Variants in DOCK9 observed in about 807,000 individuals in gnomAD.
DOCK9 encodes dedicator of cytokinesis protein 9.
Under a neutral mutation model 263.3 loss-of-function variants are expected in DOCK9, and 89 were observed. The ratio of observed to expected loss-of-function variants is 0.34; its 90% confidence interval spans 0.28 to 0.40. The LOEUF is 0.40. DOCK9 is among the 10% of genes least tolerant of loss of function. The probability of loss-of-function intolerance (pLI) is 1.00; values close to 1 mark genes in which losing one functional copy is unlikely to be tolerated. For synonymous variants in DOCK9, 976 were observed against 973.1 expected, an observed-to-expected ratio of 1.00 and a Z score of -0.06; for missense variants, 2,140 against 2,603.4, an observed-to-expected ratio of 0.82 and a Z score of 3.87.
At chr13:98,807,469 G>C (rs973443712) in intron 48 of DOCK9, among the ~76,000 whole-genome samples, 192 bp downstream of exon 48, 3 of 152,136 alleles carry the variant, frequency 2.0e-5, no homozygotes, top group African/African-American at 7.2e-5. Context: ...AAAATTAGGC[G>C]ATAAAGATTT....
intron 30 of DOCK9, among the ~76,000 whole-genome samples, chr13:98,866,839 C>T (rs2094040913): frequency 6.6e-6 from 1 of 152,038 alleles, no homozygotes; most frequent in Non-Finnish European, 1.5e-5. Context: ...CCTAGAGTAC[C>T]CAGTGACTTC....
intron 33 of DOCK9, chr13:98,858,899 A>C (rs2093774791): frequency 6.6e-6 from 1 of 152,184 alleles, no homozygotes; most frequent in African/African-American, 2.4e-5. Flanking sequence ...AGAAGTATTA[A>C]AACTTTGTGG....
chr13:99,009,869 A>G (rs1253639486), intron 1 of DOCK9, among the ~76,000 whole-genome samples: 1 of 152,078 alleles, frequency 6.6e-6, no homozygotes, highest in Non-Finnish European at 1.5e-5. Context: ...GTCCTTCGGG[A>G]CTGTTTGGGG....
At chr13:99,064,305 T>C (rs9554548) in intron 1 of DOCK9, among the ~76,000 whole-genome samples, 42,444 of 152,092 alleles carry the variant, frequency 0.28, 6,300 homozygotes, top group East Asian at 0.43. Flanking sequence ...ATTATAACTG[T>C]TGTCACTATA....
chr13:99,015,641 T>C (rs763069460), intron 1 of DOCK9: 4 of 1,561,154 alleles, frequency 2.6e-6, no homozygotes, highest in African/African-American at 2.7e-5. Context: ...TTTTTAGCAA[T>C]CTCTACTCCA....
At position 98,920,244 on chromosome 13, in the gene DOCK9, TTTAA is replaced by T. The variant is rs545198375; in HGVS notation, c.717+706_717+709del. On this transcript the variant is annotated intron_variant, in intron 7 of 52. Transcript: ENST00000682017. ...AAGAAAAATACATTCATGTGTTATCTTTAATTAACAATAATTTTAAAGGATAAGT... is the reference window on the plus strand; with the variant it reads ...AAGAAAAATACATTCATGTGTTATCTTTAACAATAATTTTAAAGGATAAGT... Among the ~76,000 whole-genome samples the T allele has an allele frequency of 2.6e-3, 399 of 152,354 alleles. 2 individuals are homozygous for T. Among genetic ancestry groups the T allele is most frequent in the African/African-American group, 9.2e-3 (384 of 41,578 alleles).
chr13:99,030,401 AG>A (rs1301543313), intron 1 of DOCK9, among the ~76,000 whole-genome samples: 1 of 152,246 alleles, frequency 6.6e-6, no homozygotes, highest in African/African-American at 2.4e-5. Flanking sequence ...AGCAAGCCTA[AG>A]AACCAAACCA....
intron 1 of DOCK9, among the ~76,000 whole-genome samples, chr13:99,080,593 C>G (rs1356414458): frequency 1.3e-5 from 2 of 152,186 alleles, no homozygotes; most frequent in Non-Finnish European, 2.9e-5. Flanking sequence ...CTTCTTGGTC[C>G]TACCTGAGCA....
chr13:99,051,717 C>T (rs969016599), intron 1 of DOCK9, among the ~76,000 whole-genome samples: 2 of 152,026 alleles, frequency 1.3e-5, no homozygotes, highest in Non-Finnish European at 2.9e-5. Context: ...ATCCTTTTCA[C>T]CTGCAATTAC....
chr13:99,031,545 T>C (rs1401611605), intron 1 of DOCK9, among the ~76,000 whole-genome samples: 5 of 152,254 alleles, frequency 3.3e-5, no homozygotes, highest in Admixed American at 1.3e-4. Flanking sequence ...TGTAGTTACA[T>C]TGGTTCCTTA....
At chr13:98,996,438 T>C (rs1044399920) in intron 1 of DOCK9, among the ~76,000 whole-genome samples, 10 of 152,234 alleles carry the variant, frequency 6.6e-5, no homozygotes, top group African/African-American at 2.4e-4. Context: ...ACTAATATTA[T>C]ATAACTAACT....
Position 98,977,819 on chromosome 13 carries a change from C to T in DOCK9, c.91G>A (p.Gly31Ser). 1 of 1,611,002 alleles carries T rather than the reference C, an allele frequency of 6.2e-7. No homozygotes were observed. Among genetic ancestry groups the T allele is most frequent in the Non-Finnish European group, 8.5e-7 (1 of 1,178,576 alleles). Residue 31 changes from glycine to serine, a missense_variant, in exon 1 of 53, where the codon GGC (glycine) becomes AGC (serine). Gly to Ser is a moderately conservative substitution (Grantham distance 56, BLOSUM62 0). This residue lies in a region of DOCK9 where 1,521 missense variants were observed against 1,741.7 expected (regional missense o/e 0.87). Coordinates refer to ENST00000682017, the MANE Select transcript of DOCK9 (RefSeq NM_001366683.2). ...SPLQYKDAAQ[G>S]EVEAESPGPV... ...CCCGGGCTCTCTGCTTCCACTTCGC[C>T]CTGAGCTGCATCCTTGTATTGCAGG...
At position 98,846,006 on chromosome 13, in the gene DOCK9, A is replaced by G; in HGVS notation, c.4116T>C (p.Pro1372=). ...TCATTCCTGTTCTGTTACGGGAAAC[A>G]GGCAATGTCTGAGACTTTCGATCAT... ...IVHDRKSQTL[P]VSRNRTGMMH... The change falls in exon 38 of 53, where the codon CCT becomes CCC. Residue 1372 remains proline (P), a synonymous_variant. Transcript: ENST00000682017. 1 of 1,609,086 alleles carries G rather than the reference A, an allele frequency of 6.2e-7. No individual in the cohort carries two copies.
rs143047119 is a variant in DOCK9 at position 98,939,603 on chromosome 13, A to G, written c.244-9346T>C. Among the ~76,000 whole-genome samples the G allele has an allele frequency of 3.6e-3, 544 of 152,344 alleles. 2 individuals carry two copies. The highest frequency in any genetic ancestry group is 0.012 in the African/African-American group (516 of 41,586). ...TGGGCCTGGGGCGGGGGCAAGGCAC[A>G]ATATGCAGAGCTCAGGAGACGGACG... On this transcript the variant is annotated intron_variant, in intron 2 of 52. Transcript: ENST00000682017.
chr13:99,013,060 A>G (rs907999467), intron 1 of DOCK9, among the ~76,000 whole-genome samples: 4 of 152,274 alleles, frequency 2.6e-5, no homozygotes, highest in East Asian at 3.9e-4. Flanking sequence ...TGTTAGGAGA[A>G]GAGCAGTGAA....
chr13:99,088,547 C>G (rs866752655), upstream of DOCK9: 2 of 152,170 alleles, frequency 1.3e-5, no homozygotes, highest in African/African-American at 2.4e-5. Context: ...CTCTTGTTAC[C>G]TTGGCTCTCT....
intron 1 of DOCK9, among the ~76,000 whole-genome samples, chr13:99,032,381 C>G (rs867895118): frequency 5.3e-5 from 8 of 151,574 alleles, no homozygotes; most frequent in African/African-American, 1.9e-4. Context: ...GAGGCAGAGG[C>G]AGGCGAATTG....
At chr13:98,824,080 A>G (rs562077641) in intron 45 of DOCK9, among the ~76,000 whole-genome samples, 66 of 152,324 alleles carry the variant, frequency 4.3e-4, no homozygotes, top group African/African-American at 1.6e-3. Context: ...AGAGAAATTA[A>G]CTGCTATAAA....
At chr13:99,046,032 C>T (rs555566243) in intron 1 of DOCK9, among the ~76,000 whole-genome samples, 127 of 149,802 alleles carry the variant, frequency 8.5e-4, no homozygotes, top group Middle Eastern at 3.4e-3. Context: ...ACCCGGGAGG[C>T]GGAGCTTACA....
Sources: gnomAD v4.1 joint callset for allele counts (sites outside exome capture counted in the v4.1 genomes callset) on GRCh38, gnomAD v4.1.1 for gene constraint, gnomAD v4.1.1 regional missense constraint, MANE v1.5 for transcripts, NCBI Gene and HGNC (gene_info 2026-07-23, HGNC 2026-07-21) for gene names.